CDH20: variants seen among roughly 807,000 people sequenced by gnomAD.
The protein encoded by CDH20 is cadherin 20, also known as cadherin-20.
A neutral mutation model predicts 74.2 loss-of-function variants in CDH20; 29 were observed. That is an observed-to-expected ratio of 0.39 (90% CI 0.29 to 0.53). CDH20 has a LOEUF of 0.53. Ranked by LOEUF, CDH20 falls within the 20% of genes least tolerant of loss-of-function variation. The pLI, the probability that CDH20 is intolerant of heterozygous loss-of-function variation, is 0.69. For missense variants in CDH20, 988 were observed against 1,048.3 expected (o/e 0.94, Z 0.79); for synonymous variants, 469 against 405.4 (o/e 1.16, Z -1.88).
intron 1 of CDH20, among the ~76,000 whole-genome samples, chr18:61,429,521 A>T (rs1455265724): frequency 2.0e-5 from 3 of 152,154 alleles, no homozygotes; most frequent in African/African-American, 7.2e-5. Context: ...TTCTCCCATG[A>T]CTTCAGCTCC....
chr18:61,359,466 G>A (rs1210473165), intron 1 of CDH20, among the ~76,000 whole-genome samples: 1 of 151,956 alleles, frequency 6.6e-6, no homozygotes, highest in East Asian at 1.9e-4. Flanking sequence ...TCCCTCATGG[G>A]TATAAATGAG....
intron 1 of CDH20, among the ~76,000 whole-genome samples, chr18:61,375,959 T>G (rs564147482): frequency 1.6e-4 from 25 of 152,280 alleles, no homozygotes; most frequent in African/African-American, 6.0e-4. Flanking sequence ...TTATTTAAGA[T>G]TCAATGATTA....
At chr18:61,550,267 C>T in intron 11 of CDH20, 38 bp downstream of exon 11, 2 of 1,594,364 alleles carry the variant, frequency 1.3e-6, no homozygotes, top group Non-Finnish European at 1.7e-6. Flanking sequence ...TGGAGTCCTG[C>T]CAGTGCGCAC....
intron 1 of CDH20, among the ~76,000 whole-genome samples, chr18:61,488,543 G>A (rs1462243936): frequency 1.3e-5 from 2 of 152,102 alleles, no homozygotes; most frequent in Non-Finnish European, 2.9e-5. Context: ...AATAGATGAG[G>A]AAACTGAAAT....
rs1881623373 is a variant in CDH20, at chr18:61,538,704, C to G, written c.1409-320C>G. Reference sequence around the variant, plus strand: ...TGCTATCTCTGCTCACTGCAAGCTCCACCTCCCGGGTTCACGCCATTCTCC... The same window carrying G: ...TGCTATCTCTGCTCACTGCAAGCTCGACCTCCCGGGTTCACGCCATTCTCC... On this transcript the variant is annotated intron_variant, in intron 8 of 11. Coordinates refer to ENST00000262717, the MANE Select transcript of CDH20 (RefSeq NM_031891.4). Among the ~76,000 whole-genome samples the G allele has an allele frequency of 2.0e-5, 3 of 149,262 alleles. No homozygotes were observed. The Admixed American group carries it at 2.0e-4, about 10-fold the overall frequency.
intron 10 of CDH20, among the ~76,000 whole-genome samples, chr18:61,547,608 A>T (rs1913296872): frequency 6.6e-6 from 1 of 152,200 alleles, no homozygotes; most frequent in Non-Finnish European, 1.5e-5. Flanking sequence ...TTATTGTCCC[A>T]TCTGATAGAT....
At chr18:61,479,211 T>C (rs1281968234) in intron 1 of CDH20, among the ~76,000 whole-genome samples, 3 of 151,946 alleles carry the variant, frequency 2.0e-5, no homozygotes. Context: ...AATATTTGCA[T>C]GGGCCAAAAA....
chr18:61,502,916 T>G (rs751768750), intron 4 of CDH20, 37 bp from the exon 5 acceptor site: 1 of 1,547,502 alleles, frequency 6.5e-7, no homozygotes, highest in Non-Finnish European at 8.7e-7. Context: ...GGACCTGTGG[T>G]TTTATTTTTA....
chr18:61,500,257 A>T, intron 3 of CDH20, 126 bp from the exon 4 acceptor site: 1 of 903,824 alleles, frequency 1.1e-6, no homozygotes, highest in Non-Finnish European at 1.6e-6. Context: ...TGGAAGCTTG[A>T]CCTAGAAAGG....
chr18:61,520,117 C>T (rs1912144870), intron 6 of CDH20, among the ~76,000 whole-genome samples: 1 of 150,212 alleles, frequency 6.7e-6, no homozygotes, highest in South Asian at 2.1e-4. Context: ...GAGATCAAGA[C>T]CATCCTGGCT....
chr18:61,440,972 T>C (rs760213713), intron 1 of CDH20, among the ~76,000 whole-genome samples: 1 of 152,122 alleles, frequency 6.6e-6, no homozygotes, highest in Non-Finnish European at 1.5e-5. Context: ...GGTAAGAAAT[T>C]GCAGCTACTT....
intron 1 of CDH20, among the ~76,000 whole-genome samples, chr18:61,354,770 G>A (rs746638625): frequency 4.6e-5 from 7 of 151,852 alleles, no homozygotes; most frequent in Non-Finnish European, 7.4e-5. Flanking sequence ...TATTTCATCC[G>A]CTCAGCTTAT....
chr18:61,402,470 T>G (rs1912186537), intron 1 of CDH20, among the ~76,000 whole-genome samples: 1 of 152,196 alleles, frequency 6.6e-6, no homozygotes, highest in African/African-American at 2.4e-5. Context: ...CAAAACTACT[T>G]CATGAAATAC....
chr18:61,344,620 A>G (rs962540325), intron 1 of CDH20, among the ~76,000 whole-genome samples: 1 of 152,192 alleles, frequency 6.6e-6, no homozygotes, highest in Non-Finnish European at 1.5e-5. Context: ...CCATGATATC[A>G]CTTCCTTCAA....
intron 1 of CDH20, among the ~76,000 whole-genome samples, chr18:61,436,391 A>G (rs145247637): frequency 8.5e-4 from 130 of 152,286 alleles, no homozygotes; most frequent in African/African-American, 3.1e-3. Context: ...TGAGGGTTCC[A>G]ACTTCTCCAC....
In CDH20 at chr18:61,536,526, AT is replaced by A; in HGVS notation, c.1310del (p.Phe437SerfsTer10). The A allele has an allele frequency of 2.5e-6, 4 of 1,613,730 alleles. No homozygotes were observed. The highest frequency in any genetic ancestry group is 3.4e-6 in the Non-Finnish European group (4 of 1,179,664). On this transcript the variant is annotated frameshift_variant, in exon 8 of 12. Transcript: ENST00000262717. LOFTEE classifies it high-confidence loss of function. ...TTGATAGAAGCAGTGACCCTGGAAG[AT>A]TTTTCTATGTTGACATTACAACAGG... Reference protein sequence around the residue: ...SIDRSSDPGRFFYVDITTGAL... With the variant: ...SIDRSSDPGRXFYVDITTGAL...
intron 1 of CDH20, among the ~76,000 whole-genome samples, chr18:61,445,018 A>G (rs1013181454): frequency 6.6e-6 from 1 of 152,038 alleles, no homozygotes; most frequent in African/African-American, 2.4e-5. Context: ...AATTTATATC[A>G]TTTATTAATA....
At chr18:61,487,177 C>T (rs1967451880) in intron 1 of CDH20, among the ~76,000 whole-genome samples, 1 of 152,168 alleles carries the variant, frequency 6.6e-6, no homozygotes, top group Non-Finnish European at 1.5e-5. Flanking sequence ...TCTTCCAAAG[C>T]AGATCTATAT....
At chr18:61,445,170 AT>A (rs1268335431) in intron 1 of CDH20, among the ~76,000 whole-genome samples, 3 of 152,016 alleles carry the variant, frequency 2.0e-5, no homozygotes, top group African/African-American at 7.2e-5. Context: ...TAGAGTTAAA[AT>A]AGTAATTATT....
Sources: gnomAD v4.1 joint callset for allele counts (sites outside exome capture counted in the v4.1 genomes callset) on GRCh38, gnomAD v4.1.1 for gene constraint, MANE v1.5 for transcripts, NCBI Gene and HGNC (gene_info 2026-07-23, HGNC 2026-07-21) for gene names.